The following SPAG16 variants were observed in gnomAD, a reference collection of about 807,000 sequenced individuals.
The protein encoded by SPAG16 is sperm-associated antigen 16 protein.
A neutral mutation model predicts 80.4 loss-of-function variants in SPAG16; 86 were observed. That is an observed-to-expected ratio of 1.07 (90% CI 0.90 to 1.28). The LOEUF (loss-of-function observed/expected upper bound fraction) is 1.28. Ranked by LOEUF, SPAG16 falls within the 50% of genes most tolerant of loss-of-function variation. SPAG16 has a pLI of 0.00. For missense variants in SPAG16, 870 were observed against 765.3 expected (o/e 1.14, Z -1.61); for synonymous variants, 294 against 265.9 (o/e 1.11, Z -1.03).
At chr2:214,300,672 A>G (rs2125952178) in intron 15 of SPAG16, among the ~76,000 whole-genome samples, 1 of 152,264 alleles carries the variant, frequency 6.6e-6, no homozygotes, top group African/African-American at 2.4e-5. Flanking sequence ...CATAATTATT[A>G]GTGATAACAT....
rs190426242 is a variant in SPAG16, at chr2:213,544,680, C to T, written c.1070+54590C>T. On this transcript the variant is annotated intron_variant, in intron 10 of 15. Transcript: ENST00000331683. ...TCTTCTGTGCTCTACCTATTCATATCGCTCCCCCCTCGTACCCCTGGCAAA... is the reference window on the plus strand; with the variant it reads ...TCTTCTGTGCTCTACCTATTCATATTGCTCCCCCCTCGTACCCCTGGCAAA... Among the ~76,000 whole-genome samples the T allele has an allele frequency of 1.2e-4, 19 of 152,100 alleles. No individual in the cohort carries two copies. In the East Asian group the frequency reaches 2.1e-3, roughly 17 times the overall value.
chr2:213,882,047 T>A (rs2076364652), intron 11 of SPAG16, among the ~76,000 whole-genome samples: 1 of 152,254 alleles, frequency 6.6e-6, no homozygotes, highest in African/African-American at 2.4e-5. Flanking sequence ...TAAAGGGATG[T>A]TGGATTTTAT....
At chr2:214,226,552 G>T (rs1055637504) in intron 15 of SPAG16, among the ~76,000 whole-genome samples, 2 of 152,052 alleles carry the variant, frequency 1.3e-5, no homozygotes, top group African/African-American at 4.8e-5. Flanking sequence ...AAGCAAGTTT[G>T]GTTAAGGCCT....
At chr2:213,831,413 G>T (rs1286730637) in intron 10 of SPAG16, among the ~76,000 whole-genome samples, 4 of 148,030 alleles carry the variant, frequency 2.7e-5, no homozygotes, top group South Asian at 2.1e-4. Context: ...TAATTCAGGT[G>T]TTTTTTTTTT....
chr2:213,927,870 AAAG>A (rs1204532021), intron 11 of SPAG16, among the ~76,000 whole-genome samples: 5 of 152,246 alleles, frequency 3.3e-5, no homozygotes, highest in African/African-American at 9.6e-5. Flanking sequence ...TAGATTTGAG[AAAG>A]AAGCATGCTT....
chr2:213,903,917 GTCTTTGCTAAAACATAATAGCC>G (rs1364561173), intron 11 of SPAG16, among the ~76,000 whole-genome samples: 1 of 152,142 alleles, frequency 6.6e-6, no homozygotes, highest in Non-Finnish European at 1.5e-5. Context: ...GGGGCAAAGT[GTCTTTGCTAAAACATAATAGCC>G]TCTTTGCTAA....
intron 12 of SPAG16, among the ~76,000 whole-genome samples, chr2:213,949,179 T>TTTTTTTTTTTTTTTTTTGTTTTTTG (rs1553677674): frequency 4.4e-4 from 16 of 36,240 alleles, no homozygotes; most frequent in Non-Finnish European, 6.0e-4. Flanking sequence ...GTTTTTTTTT[T>TTTTTTTTTTTTTTTTTTGTTTTTTG]TTTTTTTTTT....
chr2:213,362,086 AG>A (rs1485794913), intron 7 of SPAG16, among the ~76,000 whole-genome samples: 1 of 152,136 alleles, frequency 6.6e-6, no homozygotes, highest in Non-Finnish European at 1.5e-5. Context: ...GTTGGGCACA[AG>A]GGAAGAAGGA....
intron 10 of SPAG16, among the ~76,000 whole-genome samples, chr2:213,859,827 A>G (rs532000775): frequency 7.9e-5 from 12 of 152,334 alleles, no homozygotes; most frequent in African/African-American, 2.6e-4. Context: ...TGTTTATTGA[A>G]TAGCTACTAT....
At chr2:213,403,967 A>C (rs1205904049) in intron 9 of SPAG16, among the ~76,000 whole-genome samples, 3 of 152,202 alleles carry the variant, frequency 2.0e-5, no homozygotes, top group Non-Finnish European at 2.9e-5. Flanking sequence ...GTTGCTTCAA[A>C]GAGAATAAAA....
intron 9 of SPAG16, among the ~76,000 whole-genome samples, chr2:213,477,328 G>A (rs541185146): frequency 3.3e-5 from 5 of 152,248 alleles, no homozygotes; most frequent in African/African-American, 1.2e-4. Flanking sequence ...TGTGAGAAGA[G>A]GGCCACCATC....
At chr2:213,747,005 A>G (rs2067855708) in intron 10 of SPAG16, among the ~76,000 whole-genome samples, 1 of 152,204 alleles carries the variant, frequency 6.6e-6, no homozygotes, top group African/African-American at 2.4e-5. Context: ...TTCCATAAGA[A>G]GGTATTGTCA....
At chr2:214,359,764 G>A (rs1478371871) in intron 15 of SPAG16, among the ~76,000 whole-genome samples, 1 of 151,802 alleles carries the variant, frequency 6.6e-6, no homozygotes, top group Admixed American at 6.6e-5. Context: ...ATGTATTAAG[G>A]AAAATGTAGT....
chr2:213,768,793 G>T (rs716992), intron 10 of SPAG16, among the ~76,000 whole-genome samples: 3 of 152,158 alleles, frequency 2.0e-5, no homozygotes, highest in African/African-American at 7.2e-5. Context: ...TAAGGCATAA[G>T]AAATGTATGT....
chr2:214,145,472 G>A (rs1559844246), intron 14 of SPAG16, among the ~76,000 whole-genome samples: 2 of 151,892 alleles, frequency 1.3e-5, no homozygotes, highest in Non-Finnish European at 1.5e-5. Flanking sequence ...GGACATTTTT[G>A]TGATACTTGA....
intron 9 of SPAG16, among the ~76,000 whole-genome samples, chr2:213,430,471 T>C (rs899793228): frequency 2.0e-5 from 3 of 152,170 alleles, no homozygotes; most frequent in African/African-American, 7.2e-5. Context: ...TTTTTTTCAA[T>C]TTTTTAAAAC....
chr2:213,833,587 T>TA (rs1313556970), intron 10 of SPAG16, among the ~76,000 whole-genome samples: 1 of 51,500 alleles, frequency 1.9e-5, no homozygotes, highest in African/African-American at 8.9e-5. Context: ...AATATATATA[T>TA]TATATATATA....
At chr2:214,407,890 T>C (rs2126158899) in intron 15 of SPAG16, among the ~76,000 whole-genome samples, 1 of 152,302 alleles carries the variant, frequency 6.6e-6, no homozygotes, top group East Asian at 1.9e-4. Flanking sequence ...TCCAATATAC[T>C]GTAAATGAAG....
chr2:213,702,296 C>T (rs371160345), intron 10 of SPAG16, among the ~76,000 whole-genome samples: 8 of 152,184 alleles, frequency 5.3e-5, no homozygotes, highest in Admixed American at 2.6e-4. Context: ...GCAGGCTGCC[C>T]GAGCCAGCTG....
Sources: allele counts gnomAD v4.1 joint callset (sites outside exome capture counted in the v4.1 genomes callset), GRCh38; gene constraint gnomAD v4.1.1; transcripts MANE v1.5; gene names NCBI Gene and HGNC (gene_info 2026-07-23, HGNC 2026-07-21).